The following LBHD1 variants were observed in gnomAD, a reference collection of about 807,000 sequenced individuals.
LBHD1 encodes LBH domain-containing protein 1.
LBHD1 carries 28 observed loss-of-function variants against 31.1 expected under a neutral mutation model. The observed-to-expected ratio is 0.90, with a 90% CI of 0.67 to 1.24. The LOEUF (loss-of-function observed/expected upper bound fraction) is 1.24, where lower values mean the gene tolerates loss of function less well. LBHD1 is among the 50% of genes most tolerant of loss of function. The pLI, the probability that LBHD1 is intolerant of heterozygous loss-of-function variation, is 0.00. For missense variants in LBHD1, 350 were observed against 323.0 expected (o/e 1.08, Z -0.64); for synonymous variants, 105 against 116.5 (o/e 0.90, Z 0.63).
intron 1 of LBHD1, chr11:62,671,239 C>G (rs756799818): frequency 1.1e-4 from 53 of 465,576 alleles, no homozygotes; most frequent in Non-Finnish European, 2.2e-4. Context: ...GTAACTATTA[C>G]CCATTTCTCC....
chr11:62,665,195 G>A, intron 4 of LBHD1: 2 of 809,018 alleles, frequency 2.5e-6, no homozygotes, highest in Non-Finnish European at 2.1e-6. Flanking sequence ...CCAGTTCACG[G>A]TCCGTACTTC....
At chr11:62,666,951 G>GC in intron 4 of LBHD1, 1 of 1,614,178 alleles carries the variant, frequency 6.2e-7, no homozygotes, top group African/African-American at 1.3e-5. Context: ...CGACTGCCCT[G>GC]CCTGGAACAA....
At position 62,666,114 on chromosome 11, in the gene LBHD1, G is replaced by A. The variant is rs556929998; in HGVS notation, c.539-1141C>T. 1.6e-5 allele frequency: 13 copies of A among 836,238 alleles called. No homozygotes were observed. The East Asian group carries it at 2.9e-4, about 19-fold the overall frequency. The allele number at this position is 836,238 out of a possible 1,614,324, so 51.8% of individuals were successfully genotyped here. A position where few individuals can be genotyped will look rare whatever the true frequency, so the allele number is the denominator to read the frequency against. ...TGTAATGCTAACACTTTGCCAGGCC[G>A]AGGCGGGCAGATCGCTTGGCCCAGG... On this transcript the variant is annotated intron_variant, in intron 4 of 6. Coordinates refer to ENST00000354588, the MANE Select transcript of LBHD1 (RefSeq NM_024099.5).
chr11:62,665,136 G>C (rs1353452240), intron 4 of LBHD1, 163 bp from the exon 5 acceptor site: 1 of 1,063,186 alleles, frequency 9.4e-7, no homozygotes, highest in East Asian at 2.6e-5. Flanking sequence ...GTCACCGTTC[G>C]GGGCCGGTTG....
In LBHD1 at chr11:62,666,524, C is replaced by G. The variant is rs747447715; in HGVS notation, c.538+999G>C. 1.1e-5 allele frequency: 17 copies of G among 1,614,024 alleles called. No homozygotes were observed. The highest frequency in any genetic ancestry group is 1.4e-5 in the Non-Finnish European group (16 of 1,180,052). ...CGACGAAGTCCAGGGGCTCCTACTG[C>G]CATTGCTGCAGGAGGCACAGGCTGC... On this transcript the variant is annotated intron_variant, in intron 4 of 6. Transcript: ENST00000354588.
chr11:62,667,121 G>C, intron 4 of LBHD1: 5 of 1,444,334 alleles, frequency 3.5e-6, no homozygotes, highest in Non-Finnish European at 4.7e-6. Flanking sequence ...GTCTTTGCAA[G>C]CTATCTGGCT....
intron 4 of LBHD1, chr11:62,666,318 A>C: frequency 6.7e-7 from 1 of 1,489,958 alleles, no homozygotes; most frequent in Non-Finnish European, 9.2e-7. Flanking sequence ...TCAAAAAAAA[A>C]AAAGACGCCA....
Position 62,672,074 on chromosome 11 carries a change from T to A in LBHD1, c.-521A>T. The A allele has an allele frequency of 6.2e-7, 1 of 1,605,234 alleles. No individual in the cohort carries two copies. The highest frequency in any genetic ancestry group is 1.3e-5 in the African/African-American group (1 of 74,900). ...AACGTGGCCTGGAGGAAGAACTGGA[T>A]GGTTGGCGGCGAAGGCGGCGCCGGC... On this transcript the variant is annotated 5_prime_UTR_variant, in exon 1 of 7. Coordinates refer to ENST00000354588, the MANE Select transcript of LBHD1 (RefSeq NM_024099.5).
intron 4 of LBHD1, chr11:62,665,641 T>C (rs778460771): frequency 2.9e-4 from 442 of 1,515,328 alleles, no homozygotes; most frequent in Non-Finnish European, 3.8e-4. Context: ...TCTCATTTGA[T>C]TTCAGGTCTG....
chr11:62,666,221 A>G, intron 4 of LBHD1: 1 of 758,334 alleles, frequency 1.3e-6, no homozygotes, highest in Non-Finnish European at 2.2e-6. Context: ...CTATAGTCCT[A>G]GCTACTCAGG....
rs1448155556 is a variant in LBHD1 at position 62,671,744 on chromosome 11, C to T, written c.-191G>A. The T allele has an allele frequency of 1.9e-6, 3 of 1,613,344 alleles. No homozygotes were observed. The highest frequency in any genetic ancestry group is 1.3e-5 in the African/African-American group (1 of 75,056). On this transcript the variant is annotated 5_prime_UTR_variant, in exon 1 of 7. Transcript: ENST00000354588. Reference sequence around the variant, plus strand: ...GGCGCTCCGCTGGCTGTGCAGGCGGCCATGGATTCCTTGCGGAAAATGCTG... The same window carrying T: ...GGCGCTCCGCTGGCTGTGCAGGCGGTCATGGATTCCTTGCGGAAAATGCTG...
At chr11:62,669,348 G>C (rs1944897352) in intron 3 of LBHD1, 1 of 963,126 alleles carries the variant, frequency 1.0e-6, no homozygotes, top group Non-Finnish European at 1.2e-6. Context: ...AGTGAGCTGA[G>C]ATCGCGCCAC....
chr11:62,665,905 A>C (rs778207562), intron 4 of LBHD1: 2 of 1,613,074 alleles, frequency 1.2e-6, no homozygotes, highest in African/African-American at 2.7e-5. Context: ...CGAATGCTCC[A>C]CTTGCCGAGC....
In LBHD1 at chr11:62,663,013, G is replaced by T. The variant is rs756236311; in HGVS notation, c.*116C>A. ...CTCTGAAACAACCACTGAGTCTGAA[G>T]GCTGGCTCCAGTTGAGAATCTTCTA... is the stretch of plus-strand genomic sequence containing the variant. On this transcript the variant is annotated 3_prime_UTR_variant, in exon 7 of 7. Coordinates refer to ENST00000354588, the MANE Select transcript of LBHD1 (RefSeq NM_024099.5). 1 of 1,476,188 alleles carries T rather than the reference G, an allele frequency of 6.8e-7. No homozygotes were observed. Among genetic ancestry groups the T allele is most frequent in the Non-Finnish European group, 9.4e-7 (1 of 1,067,240 alleles). The allele number at this position is 1,476,188 out of a possible 1,614,324, so 91.4% of individuals were successfully genotyped here.
At chr11:62,665,290 G>A (rs1417262686) in intron 4 of LBHD1, 4 of 716,518 alleles carry the variant, frequency 5.6e-6, no homozygotes, top group East Asian at 2.7e-5. Context: ...GCTATATAAA[G>A]GAGCTCCGCG....
intron 4 of LBHD1, chr11:62,665,418 G>A (rs776970707): frequency 1.5e-5 from 22 of 1,492,260 alleles, no homozygotes; most frequent in Non-Finnish European, 2.0e-5. Context: ...CGGGGTCTCA[G>A]GACCCTCCTT....
In LBHD1 at chr11:62,671,583, G is replaced by C. The variant is rs192902177; in HGVS notation, c.-30C>G. 6.8e-7 allele frequency: 1 copy of C among 1,463,662 alleles called. No individual in the cohort carries two copies. Among genetic ancestry groups the C allele is most frequent in the Non-Finnish European group, 9.0e-7 (1 of 1,114,534 alleles). The allele number at this position is 1,463,662 out of a possible 1,614,324, so 90.7% of individuals were successfully genotyped here. On this transcript the variant is annotated 5_prime_UTR_variant, in exon 1 of 7. The change creates a new upstream start codon in the 5' untranslated region. Coordinates refer to ENST00000354588, the MANE Select transcript of LBHD1 (RefSeq NM_024099.5). ...CTAAACCTGAGATCCAAGCGCTCCG[G>C]ATTCCAAACGTTTCCTCGAGCAGGT...
Position 62,672,150 on chromosome 11 carries a change from T to C in LBHD1, c.-597A>G. 2 of 1,541,992 alleles carry C rather than the reference T, an allele frequency of 1.3e-6. No individual in the cohort carries two copies. The highest frequency in any genetic ancestry group is 1.7e-6 in the Non-Finnish European group (2 of 1,145,762). Reference sequence around the variant, plus strand: ...GCCTCCGTGGGCGCCGGACCTTGGCTTGGGCGCAGGAATCCGAGGCAGCCT... The same window carrying C: ...GCCTCCGTGGGCGCCGGACCTTGGCCTGGGCGCAGGAATCCGAGGCAGCCT... On this transcript the variant is annotated 5_prime_UTR_variant, in exon 1 of 7. Transcript: ENST00000354588.
At position 62,667,677 on chromosome 11, in the gene LBHD1, C is replaced by G; in HGVS notation, c.384G>C (p.Gln128His). ...RTFNAGLSWGQDQDEEDACWI... is the reference protein window; with the variant it reads ...RTFNAGLSWGHDQDEEDACWI... ...AACAAGCATCTTCTTCATCCTGGTCCTGCCCCCAGCTGAGTCCAGCGTTAA... is the reference window on the plus strand; with the variant it reads ...AACAAGCATCTTCTTCATCCTGGTCGTGCCCCCAGCTGAGTCCAGCGTTAA... Residue 128 changes from glutamine (Q) to histidine (H), a missense_variant, in exon 4 of 7, where the codon CAG (glutamine) becomes CAC (histidine). Gln to His is a conservative substitution (Grantham distance 24, BLOSUM62 0). Coordinates refer to ENST00000354588, the MANE Select transcript of LBHD1 (RefSeq NM_024099.5). 6.2e-7 allele frequency: 1 copy of G among 1,614,158 alleles called. No homozygotes were observed. The highest frequency in any genetic ancestry group is 1.1e-5 in the South Asian group (1 of 91,080).
Sources: allele counts gnomAD v4.1 joint callset, GRCh38; gene constraint gnomAD v4.1.1; transcripts MANE v1.5; gene names NCBI Gene and HGNC (gene_info 2026-07-23, HGNC 2026-07-21).